SERPINE2: variants seen among roughly 807,000 people sequenced by gnomAD.
The protein encoded by SERPINE2 is serpin family E member 2, also known as glia-derived nexin.
Under a neutral mutation model 36.3 loss-of-function variants are expected in SERPINE2, and 14 were observed. The observed-to-expected ratio is 0.39, with a 90% confidence interval of 0.25 to 0.60. SERPINE2 has a LOEUF of 0.60. Among genes scored for constraint, SERPINE2 ranks in the 20% least tolerant of loss-of-function variants. The pLI is 0.57. For missense variants in SERPINE2, 418 were observed against 499.6 expected (o/e 0.84, Z 1.56); for synonymous variants, 192 against 191.8 (o/e 1.00, Z -0.01).
chr2:224,032,709 G>A (rs549021394), intron 1 of SERPINE2, among the ~76,000 whole-genome samples: 2 of 114,184 alleles, frequency 1.8e-5, no homozygotes, highest in Non-Finnish European at 3.6e-5. Context: ...AATGTCTTAC[G>A]TCAAACTGTG....
chr2:223,980,461 G>A, intron 6 of SERPINE2, 64 bp from the exon 7 acceptor site: 1 of 1,405,314 alleles, frequency 7.1e-7, no homozygotes, highest in Non-Finnish European at 1.0e-6. Context: ...GTTGGTTGGG[G>A]AAGTAACCTC....
chr2:223,995,001 G>A (rs781392858), intron 3 of SERPINE2, among the ~76,000 whole-genome samples: 2 of 152,186 alleles, frequency 1.3e-5, no homozygotes, highest in Admixed American at 6.5e-5. Context: ...GTTCATGCCT[G>A]CCACTCATGG....
rs1198511486 is a variant in SERPINE2 at position 224,024,229 on chromosome 2, T to C, written c.-23+14870A>G. ...CCAACTCTTTGCGCCTTTTGCTTTC[T>C]TCCTTCAGTACAAAGAGTTTGCAAA... On this transcript the variant is annotated intron_variant, in intron 1 of 8. Transcript: ENST00000409304. Among the ~76,000 whole-genome samples, 5 of 152,246 alleles carry C rather than the reference T, an allele frequency of 3.3e-5. No homozygotes were observed. The East Asian group carries it at 9.6e-4, about 29-fold the overall frequency.
chr2:224,030,014 T>G (rs1285801478), intron 1 of SERPINE2: 1 of 979,276 alleles, frequency 1.0e-6, no homozygotes, highest in East Asian at 1.1e-4. Context: ...TGCATAGACA[T>G]TTATTCGTTA....
At chr2:223,991,699 TA>T in intron 4 of SERPINE2, 103 bp downstream of exon 4, 2 of 1,215,110 alleles carry the variant, frequency 1.6e-6, no homozygotes, top group Non-Finnish European at 2.4e-6. Flanking sequence ...CCCAGTTTTT[TA>T]AAAGATGAAA....
intron 3 of SERPINE2, among the ~76,000 whole-genome samples, chr2:223,994,106 G>T (rs1690784967): frequency 6.6e-6 from 1 of 152,162 alleles, no homozygotes; most frequent in Admixed American, 6.5e-5. Flanking sequence ...CCTCCTAAGA[G>T]ATGTCTCTGC....
At chr2:224,004,413 G>C (rs999100504) in intron 1 of SERPINE2, among the ~76,000 whole-genome samples, 1 of 152,170 alleles carries the variant, frequency 6.6e-6, no homozygotes, top group Non-Finnish European at 1.5e-5. Context: ...TAAAACAATT[G>C]TATCAACTCA....
rs531310619 is a variant in SERPINE2, at chr2:224,034,460, G to A, written c.-23+4639C>T. Among the ~76,000 whole-genome samples, 13 of 152,214 alleles carry A rather than the reference G, an allele frequency of 8.5e-5. 1 individual carries two copies. The South Asian group carries it at 2.7e-3, about 32-fold the overall frequency. On this transcript the variant is annotated intron_variant, in intron 1 of 8. Coordinates refer to ENST00000409304, the MANE Select transcript of SERPINE2 (RefSeq NM_001136528.2). ...GTTTTGCAAGAAAAGAATGTTTCAG[G>A]CAGGGGACAAGGCAAGGAGATGGGA...
chr2:224,009,307 A>G (rs1691540552), intron 1 of SERPINE2, among the ~76,000 whole-genome samples: 2 of 152,060 alleles, frequency 1.3e-5, no homozygotes, highest in African/African-American at 4.8e-5. Context: ...TTATTAATCT[A>G]CAGGGGCTAC....
At chr2:223,983,210 T>C (rs1690289153) in intron 5 of SERPINE2, among the ~76,000 whole-genome samples, 1 of 152,230 alleles carries the variant, frequency 6.6e-6, no homozygotes, top group African/African-American at 2.4e-5. Flanking sequence ...CTTATTGGGA[T>C]TGGAGATGGT....
chr2:223,998,290 A>C lies in SERPINE2; in HGVS notation c.312T>G (p.Asn104Lys). The change falls in exon 3 of 9, where the codon AAT becomes AAG. Residue 104 changes from asparagine to lysine, a missense_variant. Physicochemically the swap from Asn to Lys is moderately conservative, Grantham distance 94. Transcript: ENST00000409304. ...CGTTAGCCACTGTCACAATGTCTTT[A>C]TTCTTCTTGGAGACGATGGCCTTGT... ...KINKAIVSKK[N>K]KDIVTVANAV... is the part of the protein sequence containing the mutation. The C allele has an allele frequency of 6.2e-7, 1 of 1,614,226 alleles. No homozygotes were observed. The highest frequency in any genetic ancestry group is 8.5e-7 in the Non-Finnish European group (1 of 1,180,016).
intron 4 of SERPINE2, among the ~76,000 whole-genome samples, chr2:223,986,147 G>C (rs1690420807): frequency 6.6e-6 from 1 of 152,178 alleles, no homozygotes; most frequent in African/African-American, 2.4e-5. Context: ...TACCAAGAGA[G>C]GGAAAGAGAG....
intron 1 of SERPINE2, among the ~76,000 whole-genome samples, chr2:224,022,968 G>C (rs1030215600): frequency 6.6e-6 from 1 of 152,304 alleles, no homozygotes; most frequent in East Asian, 1.9e-4. Flanking sequence ...GTCACCCTGT[G>C]AAGAAGGTGC....
At chr2:224,027,789 G>A (rs985081757) in intron 1 of SERPINE2, among the ~76,000 whole-genome samples, 3 of 152,134 alleles carry the variant, frequency 2.0e-5, no homozygotes, top group African/African-American at 4.8e-5. Flanking sequence ...AGATTGGCCT[G>A]TTTTGCAGAT....
At chr2:224,030,043 G>GA (rs962467080) in intron 1 of SERPINE2, 1 of 985,234 alleles carries the variant, frequency 1.0e-6, no homozygotes, top group African/African-American at 1.7e-5. Flanking sequence ...TAACCTAATG[G>GA]AAAAAAGCAG....
At chr2:223,983,967 C>A (rs75820731) in intron 5 of SERPINE2, among the ~76,000 whole-genome samples, 64 of 145,442 alleles carry the variant, frequency 4.4e-4, no homozygotes, top group Non-Finnish European at 4.2e-4. Flanking sequence ...GCTTATTTTA[C>A]AAAAAAAAAA....
chr2:223,987,039 G>A (rs935650471), intron 4 of SERPINE2, among the ~76,000 whole-genome samples: 1 of 152,076 alleles, frequency 6.6e-6, no homozygotes, highest in East Asian at 1.9e-4. Flanking sequence ...CCAAAGCCAC[G>A]AGATCTGGGG....
At chr2:224,031,558 A>C in intron 1 of SERPINE2, 1 of 949,348 alleles carries the variant, frequency 1.1e-6, no homozygotes, top group Non-Finnish European at 1.3e-6. Flanking sequence ...AGGGCATGTG[A>C]CCACGTGACC....
intron 1 of SERPINE2, among the ~76,000 whole-genome samples, chr2:224,026,260 A>G (rs1050634206): frequency 6.6e-6 from 1 of 152,232 alleles, no homozygotes; most frequent in Non-Finnish European, 1.5e-5. Flanking sequence ...ATAATCTTCC[A>G]TCATGTTTGA....
Sources: allele counts gnomAD v4.1 joint callset (sites outside exome capture counted in the v4.1 genomes callset), GRCh38; gene constraint gnomAD v4.1.1; transcripts MANE v1.5; gene names NCBI Gene and HGNC (gene_info 2026-07-23, HGNC 2026-07-21).